Variants in PXDNL observed in about 807,000 individuals in gnomAD.
The protein encoded by PXDNL is peroxidasin like.
In PXDNL, 145 loss-of-function variants were observed where a neutral mutation model predicts 150.8. The observed-to-expected ratio is 0.96, with a 90% CI of 0.84 to 1.10. The LOEUF is 1.10. PXDNL is among the 50% of genes least tolerant of loss of function. The pLI is 0.00. For missense variants in PXDNL, 2,087 were observed against 1,873.9 expected, an observed-to-expected ratio of 1.11 and a Z score of -2.10; for synonymous variants, 757 against 725.7, an observed-to-expected ratio of 1.04 and a Z score of -0.69.
At chr8:51,685,756 C>T (rs1209017212) in intron 1 of PXDNL, among the ~76,000 whole-genome samples, 2 of 152,198 alleles carry the variant, frequency 1.3e-5, no homozygotes, top group Non-Finnish European at 2.9e-5. Flanking sequence ...TTCATACACA[C>T]TAATGAACAT....
chr8:51,680,117 T>C lies in PXDNL; in HGVS notation c.165-25357A>G, dbSNP rs150098142. On this transcript the variant is annotated intron_variant, in intron 1 of 22. Transcript: ENST00000356297. ...CTGATTATTTCCTTCCAATTTATGA[T>C]GGAGCATCCAAGTCTTGAGGCTCAT... Among the ~76,000 whole-genome samples the C allele has an allele frequency of 6.8e-4, 104 of 152,352 alleles. 2 individuals are homozygous for C. Among genetic ancestry groups the C allele is most frequent in the African/African-American group, 2.3e-3 (97 of 41,578 alleles).
At chr8:51,455,498 T>TGGGAAGAGCTCAGA (rs1362680489) in intron 9 of PXDNL, among the ~76,000 whole-genome samples, 1 of 152,042 alleles carries the variant, frequency 6.6e-6, no homozygotes, top group Non-Finnish European at 1.5e-5. Context: ...GCTGAAGGTT[T>TGGGAAGAGCTCAGA]GGGAAGAGCT....
At chr8:51,750,439 C>T (rs2037032330) in intron 1 of PXDNL, among the ~76,000 whole-genome samples, 1 of 152,136 alleles carries the variant, frequency 6.6e-6, no homozygotes, top group Non-Finnish European at 1.5e-5. Context: ...CCAACATCAC[C>T]ACAGACACCT....
At chr8:51,597,809 G>A (rs949571996) in intron 2 of PXDNL, among the ~76,000 whole-genome samples, 1 of 151,812 alleles carries the variant, frequency 6.6e-6, no homozygotes, top group Non-Finnish European at 1.5e-5. Context: ...CCGCCTCCTG[G>A]GTTCAAGCAA....
chr8:51,682,049 T>C (rs1027355918), intron 1 of PXDNL, among the ~76,000 whole-genome samples: 1 of 152,174 alleles, frequency 6.6e-6, no homozygotes, highest in Non-Finnish European at 1.5e-5. Context: ...CAGAGATAAC[T>C]GCAAGAGGAA....
Position 51,409,083 on chromosome 8 carries a change from G to A in PXDNL, c.2541C>T (p.Thr847=). The change falls in exon 17 of 23, where the codon ACC becomes ACT. Residue 847 remains threonine, a synonymous_variant. Transcript: ENST00000356297. Reference sequence around the variant, plus strand: ...GGGTGCCCCGGGGGTCGGCGTGCCGGGTGTTCATGGGGAAACAAGGAGGGT... The same window carrying A: ...GGGTGCCCCGGGGGTCGGCGTGCCGAGTGTTCATGGGGAAACAAGGAGGGT... ...TNDPPCFPMN[T]RHADPRGTHA... The A allele has an allele frequency of 6.2e-7, 1 of 1,609,508 alleles. No individual in the cohort carries two copies. Among genetic ancestry groups the A allele is most frequent in the Non-Finnish European group, 8.5e-7 (1 of 1,179,468 alleles).
chr8:51,394,750 C>A (rs16916180), intron 17 of PXDNL, among the ~76,000 whole-genome samples: 7,488 of 152,242 alleles, frequency 0.049, 637 homozygotes, highest in African/African-American at 0.17. Flanking sequence ...TTCACTCTAA[C>A]TAGCATTCAT....
At chr8:51,534,168 G>T (rs1243647959) in intron 4 of PXDNL, among the ~76,000 whole-genome samples, 1 of 139,444 alleles carries the variant, frequency 7.2e-6, no homozygotes, top group Non-Finnish European at 1.5e-5. Flanking sequence ...CGCCTCTGCT[G>T]GGCCACAACC....
chr8:51,424,976 C>A (rs978315110), intron 13 of PXDNL, among the ~76,000 whole-genome samples: 1 of 152,154 alleles, frequency 6.6e-6, no homozygotes, highest in African/African-American at 2.4e-5. Flanking sequence ...ATGAGAGAGA[C>A]CAGACATAAG....
intron 17 of PXDNL, among the ~76,000 whole-genome samples, chr8:51,398,140 C>G (rs1808141829): frequency 6.6e-6 from 1 of 152,190 alleles, no homozygotes. Flanking sequence ...CACTGGACAA[C>G]AAGCAGCCTA....
chr8:51,416,801 T>G (rs1808811473), intron 14 of PXDNL, among the ~76,000 whole-genome samples: 1 of 152,226 alleles, frequency 6.6e-6, no homozygotes, highest in Non-Finnish European at 1.5e-5. Flanking sequence ...ATTTAAGCTC[T>G]AAACTACACA....
chr8:51,502,858 T>G (rs79370194), intron 4 of PXDNL, among the ~76,000 whole-genome samples: 243 of 152,266 alleles, frequency 1.6e-3, no homozygotes, highest in African/African-American at 5.6e-3. Flanking sequence ...GAGGGCATCT[T>G]ATATACTGAG....
chr8:51,386,925 A>G (rs2130826214), intron 17 of PXDNL, among the ~76,000 whole-genome samples: 1 of 152,222 alleles, frequency 6.6e-6, no homozygotes, highest in East Asian at 1.9e-4. Flanking sequence ...TGATTTATAA[A>G]TTTCATTTAT....
intron 3 of PXDNL, among the ~76,000 whole-genome samples, chr8:51,575,980 C>A (rs1813042989): frequency 6.6e-6 from 1 of 151,240 alleles, no homozygotes; most frequent in Non-Finnish European, 1.5e-5. Flanking sequence ...ACATAGAAAT[C>A]TTAAATGTAT....
chr8:51,594,686 T>A (rs1297571966), intron 2 of PXDNL, among the ~76,000 whole-genome samples: 1 of 152,302 alleles, frequency 6.6e-6, no homozygotes, highest in East Asian at 1.9e-4. Flanking sequence ...GAATGTATTT[T>A]CCAATCACAA....
At chr8:51,753,859 G>A (rs994654528) in intron 1 of PXDNL, among the ~76,000 whole-genome samples, 2 of 152,178 alleles carry the variant, frequency 1.3e-5, no homozygotes, top group Admixed American at 6.5e-5. Context: ...CAGCCTGGCT[G>A]GACTGCAGCT....
chr8:51,374,430 T>C (rs1477376765), intron 18 of PXDNL, among the ~76,000 whole-genome samples, 167 bp downstream of exon 18: 1 of 152,260 alleles, frequency 6.6e-6, no homozygotes, highest in Non-Finnish European at 1.5e-5. Context: ...AAATGTTATC[T>C]GATAATATTG....
At chr8:51,345,375 T>G (rs1002603839) in intron 20 of PXDNL, among the ~76,000 whole-genome samples, 1 of 152,180 alleles carries the variant, frequency 6.6e-6, no homozygotes, top group African/African-American at 2.4e-5. Flanking sequence ...CATTTCTCAA[T>G]TTTCTAAGAG....
At chr8:51,732,460 A>C (rs1816952746) in intron 1 of PXDNL, among the ~76,000 whole-genome samples, 2 of 152,166 alleles carry the variant, frequency 1.3e-5, no homozygotes, top group African/African-American at 4.8e-5. Context: ...ACTTTCCTAC[A>C]TCTTCCTCTC....
Sources: allele counts gnomAD v4.1 joint callset (sites outside exome capture counted in the v4.1 genomes callset), GRCh38; gene constraint gnomAD v4.1.1; transcripts MANE v1.5; gene names NCBI Gene and HGNC (gene_info 2026-07-23, HGNC 2026-07-21).